Variants in TLR2 observed in about 807,000 individuals in gnomAD.
The protein encoded by TLR2 is toll like receptor 2.
In TLR2, 7 loss-of-function variants were observed where a neutral mutation model predicts 9.1. The observed-to-expected ratio is 0.77, with a 90% CI of 0.44 to 1.44. The LOEUF is 1.44. Among genes scored for constraint, TLR2 ranks in the 40% most tolerant of loss-of-function variants. TLR2 has a pLI of 0.01. For synonymous variants in TLR2, 317 were observed against 344.6 expected (o/e 0.92, Z 0.89); for missense variants, 812 against 904.6 (o/e 0.90, Z 1.31).
At chr4:153,686,088 T>G (rs569308908) in intron 1 of TLR2, among the ~76,000 whole-genome samples, 1 of 152,326 alleles carries the variant, frequency 6.6e-6, no homozygotes, top group East Asian at 1.9e-4. Context: ...AACTGCTCCC[T>G]TGGTGATAAC....
Position 153,703,269 on chromosome 4 carries a change from AGCCCC to A in TLR2, c.363_367del (p.Lys121AsnfsTer42), listed in dbSNP as rs759775597. The A allele has an allele frequency of 8.7e-6, 14 of 1,613,308 alleles. No homozygotes were observed. In the South Asian group the frequency reaches 1.5e-4, roughly 18 times the overall value. ...TCTAATTTATCGTCTTCCTGGTTCA[AGCCCC>A]TTTCTTCTTTAACATTCTTAAACTT... is the stretch of plus-strand genomic sequence containing the variant. On this transcript the variant is annotated frameshift_variant, in exon 3 of 3. Transcript: ENST00000642700. LOFTEE classifies it low-confidence loss of function (END_TRUNC).
At chr4:153,696,469 G>A (rs1054126866) in intron 2 of TLR2, among the ~76,000 whole-genome samples, 1 of 152,082 alleles carries the variant, frequency 6.6e-6, no homozygotes, top group Non-Finnish European at 1.5e-5. Context: ...TGTTGTAGAC[G>A]AGATTACTAT....
chr4:153,687,453 A>G (rs1735786488), intron 1 of TLR2, among the ~76,000 whole-genome samples: 1 of 152,244 alleles, frequency 6.6e-6, no homozygotes, highest in African/African-American at 2.4e-5. Context: ...CATCTAAGGA[A>G]TAAAATTGAG....
chr4:153,700,045 G>T (rs548883722), intron 2 of TLR2, among the ~76,000 whole-genome samples: 2 of 152,266 alleles, frequency 1.3e-5, no homozygotes, highest in East Asian at 1.9e-4. Flanking sequence ...GTGGAAGAAG[G>T]GGGAGCAGGC....
chr4:153,699,328 C>T lies in TLR2; in HGVS notation c.-16-3564C>T, dbSNP rs181047818. ...TAACAGTACCACTGTCACTCCATAA[C>T]CAACTGAAAATTTGACATTGTTCTA... On this transcript the variant is annotated intron_variant, in intron 2 of 2. Transcript: ENST00000642700. Among the ~76,000 whole-genome samples the T allele has an allele frequency of 1.2e-3, 177 of 152,294 alleles. 1 individual carries two copies. The highest frequency in any genetic ancestry group is 1.6e-3 in the Admixed American group (24 of 15,298).
intron 2 of TLR2, among the ~76,000 whole-genome samples, chr4:153,694,253 T>TAA: frequency 6.6e-6 from 1 of 152,330 alleles, no homozygotes; most frequent in Admixed American, 6.5e-5. Context: ...AGGAATGCCT[T>TAA]AAGTGGTTTT....
chr4:153,702,263 C>G (rs1238852824), intron 2 of TLR2: 1 of 152,280 alleles, frequency 6.6e-6, no homozygotes, highest in African/African-American at 2.4e-5. Flanking sequence ...GAGTCTCCTT[C>G]AACTCAGCAA....
At chr4:153,690,812 A>G (rs895709382) in intron 2 of TLR2, among the ~76,000 whole-genome samples, 1 of 152,212 alleles carries the variant, frequency 6.6e-6, no homozygotes, top group African/African-American at 2.4e-5. Flanking sequence ...AGTAGCAACT[A>G]GGCGATCAGC....
chr4:153,692,653 C>T (rs1184600926), intron 2 of TLR2, among the ~76,000 whole-genome samples: 1 of 152,190 alleles, frequency 6.6e-6, no homozygotes, highest in African/African-American at 2.4e-5. Context: ...CATATGTTGA[C>T]TTTGAGGGCT....
chr4:153,704,111 T>C lies in TLR2; in HGVS notation c.1204T>C (p.Leu402=). Reference sequence around the variant, plus strand: ...TTTAAGGCAAAATCATTTGGCATCATTGGAAAAAACCGGAGAGACTTTGCT... The same window carrying C: ...TTTAAGGCAAAATCATTTGGCATCACTGGAAAAAACCGGAGAGACTTTGCT... ...LILRQNHLAS[L]EKTGETLLTL... The change falls in exon 3 of 3, where the codon TTG becomes CTG. Residue 402 remains leucine (L), a synonymous_variant. Transcript: ENST00000642700. 6.2e-7 allele frequency: 1 copy of C among 1,613,932 alleles called. No individual in the cohort carries two copies. The highest frequency in any genetic ancestry group is 8.5e-7 in the Non-Finnish European group (1 of 1,179,962).
At chr4:153,696,965 C>G (rs568730637) in intron 2 of TLR2, among the ~76,000 whole-genome samples, 1 of 151,906 alleles carries the variant, frequency 6.6e-6, no homozygotes, top group South Asian at 2.1e-4. Flanking sequence ...TGGGTAAGAA[C>G]AGCTATAAAG....
intron 2 of TLR2, among the ~76,000 whole-genome samples, chr4:153,698,434 A>G (rs1335130267): frequency 6.6e-6 from 1 of 152,180 alleles, no homozygotes; most frequent in Admixed American, 6.5e-5. Flanking sequence ...GAGAAACAAA[A>G]CTGATATTTA....
intron 2 of TLR2, among the ~76,000 whole-genome samples, chr4:153,691,827 T>C (rs1736140938): frequency 6.6e-6 from 1 of 152,318 alleles, no homozygotes; most frequent in Admixed American, 6.5e-5. Context: ...TAGTGTCATT[T>C]ACTAAGGTCC....
intron 2 of TLR2, chr4:153,702,228 C>G (rs540091043): frequency 1.3e-5 from 2 of 152,332 alleles, no homozygotes; most frequent in Admixed American, 1.3e-4. Flanking sequence ...TACTTCTAGG[C>G]AGGAAGACAG....
chr4:153,688,301 C>T (rs568745373), intron 2 of TLR2: 1 of 152,398 alleles, frequency 6.6e-6, no homozygotes, highest in South Asian at 2.1e-4. Context: ...AATTATGGAC[C>T]AAGAACCTGT....
At chr4:153,697,155 C>A (rs1041890446) in intron 2 of TLR2, among the ~76,000 whole-genome samples, 1 of 151,764 alleles carries the variant, frequency 6.6e-6, no homozygotes, top group Non-Finnish European at 1.5e-5. Context: ...TATATGTGAT[C>A]AAACTAAGAT....
At chr4:153,710,452 C>T, downstream of TLR2, 1 of 1,604,388 alleles carries the variant, frequency 6.2e-7, no homozygotes, top group Non-Finnish European at 8.5e-7. Context: ...CGAAGCCAAT[C>T]CAGGATTTGT....
Position 153,704,316 on chromosome 4 carries a change from A to G in TLR2, c.1409A>G (p.Asn470Ser), listed in dbSNP as rs753571353. The change falls in exon 3 of 3, where the codon AAT (asparagine) becomes AGT (serine). Residue 470 changes from asparagine to serine, a missense_variant. By Grantham distance (46) the Asn-to-Ser change is conservative (BLOSUM62 1). Transcript: ENST00000642700. ...TTAGATGTTAGCAACAACAATCTCAATTTATTTTCTTTGAATTTGCCGCAA... is the reference window on the plus strand; with the variant it reads ...TTAGATGTTAGCAACAACAATCTCAGTTTATTTTCTTTGAATTTGCCGCAA... ...EILDVSNNNL[N>S]LFSLNLPQLK... 1.9e-6 allele frequency: 3 copies of G among 1,613,682 alleles called. No individual in the cohort carries two copies. Among genetic ancestry groups the G allele is most frequent in the South Asian group, 2.2e-5 (2 of 90,982 alleles).
chr4:153,685,637 A>G (rs374235682), intron 1 of TLR2, among the ~76,000 whole-genome samples: 67 of 152,354 alleles, frequency 4.4e-4, no homozygotes, highest in African/African-American at 1.5e-3. Context: ...TAAGTTCTTT[A>G]TAATGTACCC....
Sources: gnomAD v4.1 joint callset for allele counts (sites outside exome capture counted in the v4.1 genomes callset) on GRCh38, gnomAD v4.1.1 for gene constraint, MANE v1.5 for transcripts, NCBI Gene and HGNC (gene_info 2026-07-23, HGNC 2026-07-21) for gene names.